Variants in SEC14L3 observed in about 807,000 individuals in gnomAD.
The protein encoded by SEC14L3 is SEC14-like protein 3.
SEC14L3 carries 56 observed loss-of-function variants against 57.4 expected under a neutral mutation model. The ratio of observed to expected loss-of-function variants is 0.97; its 90% confidence interval spans 0.79 to 1.22. The LOEUF is 1.22. Among genes scored for constraint, SEC14L3 ranks in the 50% most tolerant of loss-of-function variants. SEC14L3 has a pLI of 0.00. For missense variants in SEC14L3, 485 were observed against 511.7 expected, an observed-to-expected ratio of 0.95 and a Z score of 0.50; for synonymous variants, 173 against 194.4, an observed-to-expected ratio of 0.89 and a Z score of 0.92.
At position 30,472,003 on chromosome 22, in the gene SEC14L3, G is replaced by T; in HGVS notation, c.-45C>A. The stretch of plus-strand genomic sequence containing the variant: ...GGAGTGGTGGCCACTATAGGCAAGA[G>T]GCCAAGCCTAGTTTGTCAGCCCTGA... On this transcript the variant is annotated 5_prime_UTR_variant, in exon 1 of 12. Transcript: ENST00000215812. 1 of 1,540,036 alleles carries T rather than the reference G, an allele frequency of 6.5e-7. No homozygotes were observed. The highest frequency in any genetic ancestry group is 8.7e-7 in the Non-Finnish European group (1 of 1,144,038).
chr22:30,453,785 C>T (rs1320636204), intron 12 of SEC14L3, among the ~76,000 whole-genome samples: 2 of 152,148 alleles, frequency 1.3e-5, no homozygotes, highest in Non-Finnish European at 2.9e-5. Flanking sequence ...TTCCTCCTTC[C>T]AAGCAGGAAA....
chr22:30,452,910 T>C (rs1174667741), intron 12 of SEC14L3, among the ~76,000 whole-genome samples: 1 of 151,758 alleles, frequency 6.6e-6, no homozygotes, highest in Non-Finnish European at 1.5e-5. Flanking sequence ...AGAGATGGGG[T>C]TTTCACCACG....
At position 30,461,416 on chromosome 22, in the gene SEC14L3, C is replaced by G. The variant is rs1935255838; in HGVS notation, c.975G>C (p.Gly325=). 1.9e-6 allele frequency: 3 copies of G among 1,613,940 alleles called. No homozygotes were observed. Among genetic ancestry groups the G allele is most frequent in the Admixed American group, 3.3e-5 (2 of 59,994 alleles). ...TCATCTCCCCTGCCCGCTGTCGCTCCCCCATCTTGGTCTTCAGGAAAACTC... is the reference window on the plus strand; with the variant it reads ...TCATCTCCCCTGCCCGCTGTCGCTCGCCCATCTTGGTCTTCAGGAAAACTC... ...GFGVFLKTKM[G]ERQRAGEMTD... The change falls in exon 11 of 12, where the codon GGG becomes GGC. Residue 325 remains glycine, a synonymous_variant. Coordinates refer to ENST00000215812, the MANE Select transcript of SEC14L3 (RefSeq NM_174975.5).
chr22:30,470,111 G>T (rs1441203845), intron 3 of SEC14L3, 33 bp from the exon 4 acceptor site: 2 of 1,608,682 alleles, frequency 1.2e-6, no homozygotes, highest in Non-Finnish European at 1.7e-6. Flanking sequence ...GATCCCACTG[G>T]GCTCCCAGTG....
intron 5 of SEC14L3, among the ~76,000 whole-genome samples, chr22:30,467,699 G>T (rs117002844): frequency 6.6e-6 from 1 of 152,208 alleles, no homozygotes; most frequent in Non-Finnish European, 1.5e-5. Flanking sequence ...GTCAGGGAAA[G>T]TTGTGGGAGG....
rs866768296 is a variant in SEC14L3, at chr22:30,452,012, A to G, written c.905-2768T>C. Among the ~76,000 whole-genome samples, 11 of 141,340 alleles carry G rather than the reference A, an allele frequency of 7.8e-5. 1 individual carries two copies. The highest frequency in any genetic ancestry group is 4.0e-4 in the East Asian group (2 of 4,970). 92.7% of individuals were successfully genotyped at this position (141,340 alleles called of 152,430 possible). A position where few individuals can be genotyped will look rare whatever the true frequency, so the allele number is the denominator to read the frequency against. On this transcript the variant is annotated intron_variant, in intron 12 of 12. Transcript: ENST00000403066. ...ATCTCAAAAAAAAAAAAAAAAAAGA[A>G]AAAAGAAAAGAAAAGAAAAGAAAAG...
At chr22:30,453,532 C>G (rs1385969895) in intron 12 of SEC14L3, among the ~76,000 whole-genome samples, 1 of 152,184 alleles carries the variant, frequency 6.6e-6, no homozygotes. Flanking sequence ...CCTGCCTTAG[C>G]CTCCCGAGTA....
downstream of SEC14L3, among the ~76,000 whole-genome samples, chr22:30,454,837 TA>T (rs1180951161): frequency 1.5e-4 from 9 of 61,716 alleles, no homozygotes; most frequent in Admixed American, 3.0e-4. Flanking sequence ...TAATATATAA[TA>T]ATATATAATA....
chr22:30,448,502 C>T (rs1934919812), exon 13 of SEC14L3: 1 of 151,468 alleles, frequency 6.6e-6, no homozygotes, highest in Admixed American at 6.6e-5. Context: ...CTCTTGGCCT[C>T]CTGAGCAGAG....
At chr22:30,458,431 C>T (rs1166594573), downstream of SEC14L3, among the ~76,000 whole-genome samples, 1 of 152,174 alleles carries the variant, frequency 6.6e-6, no homozygotes, top group Non-Finnish European at 1.5e-5. Flanking sequence ...ACCTCCTCTA[C>T]CCACAAACAG....
chr22:30,454,862 TATAATAC>T (rs1935070312), downstream of SEC14L3, among the ~76,000 whole-genome samples: 1 of 46,556 alleles, frequency 2.1e-5, no homozygotes, highest in African/African-American at 1.5e-4. Context: ...TATATTATTA[TATAATAC>T]ATAATATATT....
intron 11 of SEC14L3, 179 bp from the exon 12 acceptor site, chr22:30,460,321 A>G (rs1051795177): frequency 2.9e-5 from 28 of 962,920 alleles, no homozygotes; most frequent in Non-Finnish European, 3.2e-5. Flanking sequence ...AGGTCCTGTA[A>G]ACAGACACCA....
intron 12 of SEC14L3, among the ~76,000 whole-genome samples, chr22:30,449,835 G>T (rs1212578590): frequency 6.6e-6 from 1 of 152,136 alleles, no homozygotes; most frequent in Non-Finnish European, 1.5e-5. Flanking sequence ...AAAGTGTTGG[G>T]ATTACAGATG....
chr22:30,450,522 C>T (rs138276613), intron 12 of SEC14L3, among the ~76,000 whole-genome samples: 2,046 of 152,226 alleles, frequency 0.013, 44 homozygotes, highest in African/African-American at 0.046. Context: ...AGGCTAGTCT[C>T]GAACTCCTGA....
exon 13 of SEC14L3, chr22:30,448,566 TAAAA>T (rs10580243): frequency 1.4e-4 from 17 of 118,090 alleles, no homozygotes; most frequent in Admixed American, 2.6e-4. Context: ...TACATTCTCC[TAAAA>T]AAAAAAAAAA....
In SEC14L3 at chr22:30,461,389, T is replaced by C. The variant is rs746949878; in HGVS notation, c.1002A>G (p.Thr334=). The change falls in exon 11 of 12, where the codon ACA becomes ACG. Residue 334 remains threonine, a synonymous_variant. Transcript: ENST00000215812. ...MGERQRAGEM[T]DVLPSQRYNA... ...TATAGCGCTGGCTGGGTAGAACATC[T>C]GTCATCTCCCCTGCCCGCTGTCGCT... 23 of 1,614,096 alleles carry C rather than the reference T, an allele frequency of 1.4e-5. No individual in the cohort carries two copies. The highest frequency in any genetic ancestry group is 1.9e-5 in the Non-Finnish European group (22 of 1,179,960).
At chr22:30,456,015 A>G (rs886199089), downstream of SEC14L3, among the ~76,000 whole-genome samples, 2 of 152,118 alleles carry the variant, frequency 1.3e-5, no homozygotes, top group African/African-American at 4.8e-5. Context: ...TGTTACTATA[A>G]AGGAATATTG....
intron 11 of SEC14L3, among the ~76,000 whole-genome samples, chr22:30,460,850 AAG>A (rs1935233478): frequency 1.5e-5 from 2 of 129,434 alleles, no homozygotes; most frequent in Non-Finnish European, 1.6e-5. Flanking sequence ...AAAAAAAAAA[AAG>A]AGAAAAAACA....
intron 5 of SEC14L3, 58 bp downstream of exon 5, chr22:30,468,450 A>AT (rs138903951): frequency 0.061 from 82,341 of 1,360,404 alleles, 2,941 homozygotes; most frequent in East Asian, 0.12. Context: ...TCTGAGACCA[A>AT]TCCCCCCGGC....
Sources: allele counts gnomAD v4.1 joint callset (sites outside exome capture counted in the v4.1 genomes callset), GRCh38; gene constraint gnomAD v4.1.1; transcripts MANE v1.5; gene names NCBI Gene and HGNC (gene_info 2026-07-23, HGNC 2026-07-21).